MDM1: variants seen among roughly 807,000 people sequenced by gnomAD.
MDM1 encodes the protein Mdm1 nuclear protein.
A neutral mutation model predicts 89.1 loss-of-function variants in MDM1; 61 were observed. The ratio of observed to expected loss-of-function variants is 0.68; its 90% CI spans 0.56 to 0.85. The LOEUF (loss-of-function observed/expected upper bound fraction) is 0.85, where lower values mean the gene tolerates loss of function less well. MDM1 is among the 40% of genes least tolerant of loss of function. MDM1 has a pLI of 0.00. For synonymous variants in MDM1, 290 were observed against 294.1 expected, an observed-to-expected ratio of 0.99 and a Z score of 0.14; for missense variants, 820 against 846.5, an observed-to-expected ratio of 0.97 and a Z score of 0.39.
intron 10 of MDM1, among the ~76,000 whole-genome samples, chr12:68,314,296 C>T (rs1183621227): frequency 6.6e-6 from 1 of 151,968 alleles, no homozygotes; most frequent in Non-Finnish European, 1.5e-5. Context: ...ATAATATAAG[C>T]TATATCAACT....
intron 13 of MDM1, among the ~76,000 whole-genome samples, chr12:68,298,494 G>T (rs1229769608): frequency 6.6e-6 from 1 of 152,162 alleles, no homozygotes; most frequent in East Asian, 1.9e-4. Flanking sequence ...CACCACTGCA[G>T]ACACAGCTGG....
At chr12:68,312,558 T>C (rs1287416762) in intron 12 of MDM1, among the ~76,000 whole-genome samples, 2 of 152,204 alleles carry the variant, frequency 1.3e-5, no homozygotes, top group Non-Finnish European at 2.9e-5. Context: ...ACTGTTTTTA[T>C]GCCCCAGCTC....
chr12:68,322,393 G>A (rs1875343886), intron 5 of MDM1, among the ~76,000 whole-genome samples: 1 of 152,196 alleles, frequency 6.6e-6, no homozygotes, highest in Non-Finnish European at 1.5e-5. Context: ...AGCACTTCAG[G>A]AGGCCAAGGT....
intron 1 of MDM1, among the ~76,000 whole-genome samples, chr12:68,331,513 A>G (rs1372637835): frequency 6.6e-6 from 1 of 152,214 alleles, no homozygotes; most frequent in Non-Finnish European, 1.5e-5. Flanking sequence ...TTCTTGTCGG[A>G]TAACTAATGA....
intron 12 of MDM1, among the ~76,000 whole-genome samples, chr12:68,305,239 A>T (rs1385444129): frequency 4.6e-5 from 7 of 152,198 alleles, no homozygotes; most frequent in South Asian, 4.1e-4. Context: ...AAAATCCTCA[A>T]CAAACTAGGC....
intron 3 of MDM1, 104 bp from the exon 4 acceptor site, chr12:68,325,679 A>C: frequency 7.3e-7 from 1 of 1,366,862 alleles, no homozygotes; most frequent in Non-Finnish European, 9.5e-7. Flanking sequence ...CCTCTTAACA[A>C]AATGTTAAAT....
In MDM1 at chr12:68,309,883, A is replaced by G. The variant is rs1028754471; in HGVS notation, c.1749+3560T>C. On this transcript the variant is annotated intron_variant, in intron 12 of 14. Coordinates refer to ENST00000682720, the MANE Select transcript of MDM1 (RefSeq NM_001354969.2). The stretch of plus-strand genomic sequence containing the variant: ...ACCAAATCTAGCTAGCTCCTGGTAT[A>G]GTCCCTGGTAGTGCTGGTCGCAGAA... 2.6e-5 allele frequency among the ~76,000 whole-genome samples: 4 copies of G among 152,258 alleles called. No homozygotes were observed. The East Asian group carries it at 5.8e-4, about 22-fold the overall frequency.
chr12:68,313,866 G>A (rs981447228), intron 10 of MDM1, 113 bp from the exon 11 acceptor site: 1 of 895,938 alleles, frequency 1.1e-6, no homozygotes, highest in Admixed American at 2.4e-5. Context: ...AAGAGGCCAG[G>A]CGCGGTGGCT....
intron 12 of MDM1, among the ~76,000 whole-genome samples, chr12:68,308,169 A>C (rs1445336637): frequency 7.1e-6 from 1 of 141,174 alleles, no homozygotes; most frequent in African/African-American, 2.6e-5. Flanking sequence ...TCTGTCGCCC[A>C]GGCTGGAGTG....
intron 1 of MDM1, among the ~76,000 whole-genome samples, chr12:68,331,778 C>G (rs1166005064): frequency 2.0e-5 from 3 of 152,274 alleles, no homozygotes; most frequent in East Asian, 3.9e-4. Context: ...GAATGCACAA[C>G]GATGAAAAAC....
chr12:68,295,485 C>A, intron 14 of MDM1, 119 bp from the exon 15 acceptor site: 1 of 633,002 alleles, frequency 1.6e-6, no homozygotes, highest in East Asian at 3.2e-5. Flanking sequence ...TCAAGTTAGT[C>A]AGGAAAAAAA....
intron 2 of MDM1, 22 bp from the exon 3 acceptor site, chr12:68,327,043 A>G (rs775195270): frequency 6.5e-7 from 1 of 1,545,382 alleles, no homozygotes; most frequent in Non-Finnish European, 8.7e-7. Context: ...GGTATACAAA[A>G]ATAGTAGCTA....
chr12:68,310,521 G>A (rs1371576645), intron 12 of MDM1, among the ~76,000 whole-genome samples: 2 of 152,144 alleles, frequency 1.3e-5, no homozygotes, highest in East Asian at 3.9e-4. Flanking sequence ...ATGGCAGCCT[G>A]GATTTCTAAG....
intron 3 of MDM1, chr12:68,325,835 C>T: frequency 9.2e-7 from 1 of 1,090,984 alleles, no homozygotes; most frequent in Non-Finnish European, 1.1e-6. Flanking sequence ...AAATATAATA[C>T]TCTCAGTCCT....
chr12:68,305,188 T>C (rs1872709700), intron 12 of MDM1, among the ~76,000 whole-genome samples: 1 of 152,124 alleles, frequency 6.6e-6, no homozygotes, highest in African/African-American at 2.4e-5. Flanking sequence ...TCAATACATG[T>C]AGAAAAAGCA....
chr12:68,319,913 A>G (rs1464297271), intron 7 of MDM1, among the ~76,000 whole-genome samples: 1 of 152,226 alleles, frequency 6.6e-6, no homozygotes, highest in African/African-American at 2.4e-5. Flanking sequence ...AGTTTTAACA[A>G]TCTTCTCAAT....
Position 68,296,939 on chromosome 12 carries a change from T to C in MDM1, c.2046A>G (p.Glu682=). ...CTGAAATACCTTCATCATTAAAGGC[T>C]TCATGTTGAGGTAACTGCAAATTGT... ...RMNNLQLPQH[E]AFNDEDEDRL... is the part of the protein sequence containing the mutation. The change falls in exon 14 of 15, where the codon GAA becomes GAG. Residue 682 remains glutamate, a synonymous_variant. Coordinates refer to ENST00000682720, the MANE Select transcript of MDM1 (RefSeq NM_001354969.2). 1 of 1,592,658 alleles carries C rather than the reference T, an allele frequency of 6.3e-7. No homozygotes were observed. The highest frequency in any genetic ancestry group is 1.8e-5 in the Admixed American group (1 of 56,178).
intron 2 of MDM1, chr12:68,327,622 C>T: frequency 9.8e-7 from 1 of 1,019,280 alleles, no homozygotes; most frequent in Non-Finnish European, 1.4e-6. Flanking sequence ...AAGGTAAGAG[C>T]AGCTCTGCAG....
At chr12:68,300,699 C>A (rs762926542) in intron 13 of MDM1, among the ~76,000 whole-genome samples, 1 of 152,038 alleles carries the variant, frequency 6.6e-6, no homozygotes, top group Non-Finnish European at 1.5e-5. Flanking sequence ...AAGTAGACAG[C>A]GACATAATAA....
Sources: gnomAD v4.1 joint callset for allele counts (sites outside exome capture counted in the v4.1 genomes callset) on GRCh38, gnomAD v4.1.1 for gene constraint, MANE v1.5 for transcripts, NCBI Gene and HGNC (gene_info 2026-07-23, HGNC 2026-07-21) for gene names.